Variants in EPC1 observed in about 807,000 individuals in gnomAD.
EPC1 encodes enhancer of polycomb homolog 1.
Under a neutral mutation model 98.4 loss-of-function variants are expected in EPC1, and 12 were observed. The observed-to-expected ratio is 0.12, with a 90% CI of 0.08 to 0.20. The LOEUF (loss-of-function observed/expected upper bound fraction) is 0.20. Among genes scored for constraint, EPC1 ranks in the 10% least tolerant of loss-of-function variants. The pLI is 1.00. For synonymous variants in EPC1, 357 were observed against 363.9 expected (o/e 0.98, Z 0.21); for missense variants, 729 against 990.5 (o/e 0.74, Z 3.54).
At chr10:32,286,074 C>T (rs903534170) in intron 9 of EPC1, 1 of 152,160 alleles carries the variant, frequency 6.6e-6, no homozygotes, top group African/African-American at 2.4e-5. Context: ...TGAAAAAGCA[C>T]CTTGATACTA....
chr10:32,305,895 C>G lies in EPC1; in HGVS notation c.190G>C (p.Val64Leu), dbSNP rs772551227. ...HLQRAISAQQ[V>L]YGEKRDNMVI... ...ATATTATCCCTCTTCTCGCCATACA[C>G]CTGCTGTGCTGAAATAGCCCGCTGA... is the stretch of plus-strand genomic sequence containing the variant. The change falls in exon 2 of 14, where the codon GTG becomes CTG. Residue 64 changes from valine (V) to leucine (L), a missense_variant. By Grantham distance (32) the Val-to-Leu change is conservative. This residue lies in a region of EPC1 where 46 missense variants were observed against 119.7 expected (regional missense o/e 0.38). Coordinates refer to ENST00000319778, the MANE Select transcript of EPC1 (RefSeq NM_001272004.3). 1 of 1,609,470 alleles carries G rather than the reference C, an allele frequency of 6.2e-7. No individual in the cohort carries two copies. The highest frequency in any genetic ancestry group is 8.5e-7 in the Non-Finnish European group (1 of 1,178,458).
rs936692865 is a variant in EPC1 at position 32,288,146 on chromosome 10, G to A, written c.976-872C>T. ...CATTATGGTTTTTTGGGAAAACTAC[G>A]GTTTTCCCAAACCATAAGGCATCTC... On this transcript the variant is annotated intron_variant, in intron 6 of 13. Coordinates refer to ENST00000319778, the MANE Select transcript of EPC1 (RefSeq NM_001272004.3). Among the ~76,000 whole-genome samples, 8 of 151,748 alleles carry A rather than the reference G, an allele frequency of 5.3e-5. No individual in the cohort carries two copies. The East Asian group carries it at 1.2e-3, about 22-fold the overall frequency.
chr10:32,317,120 G>A (rs556844471), intron 1 of EPC1, among the ~76,000 whole-genome samples: 9 of 152,224 alleles, frequency 5.9e-5, no homozygotes, highest in Admixed American at 1.3e-4. Context: ...TAGCACTTGT[G>A]ACTTCCTTAT....
intron 1 of EPC1, among the ~76,000 whole-genome samples, chr10:32,325,801 C>G (rs1323001015): frequency 6.6e-6 from 1 of 150,684 alleles, no homozygotes; most frequent in Non-Finnish European, 1.5e-5. Flanking sequence ...TTTTTTAACT[C>G]TATAAAGGCA....
In EPC1 at chr10:32,305,876, T is replaced by C; in HGVS notation, c.209A>G (p.Asp70Gly). The change falls in exon 2 of 14, where the codon GAT (aspartate) becomes GGT (glycine). Residue 70 changes from aspartate (D) to glycine (G), a missense_variant. Asp to Gly is a moderately conservative substitution (Grantham distance 94). Around this residue, in one of 6 missense-constraint regions of EPC1, gnomAD observed 46 missense variants for 119.7 expected, o/e 0.38. Transcript: ENST00000319778. The stretch of plus-strand genomic sequence containing the variant: ...CTCTGGGACCGGTATAACCATATTA[T>C]CCCTCTTCTCGCCATACACCTGCTG... ...SAQQVYGEKR[D>G]NMVIPVPEAE... 1 of 1,613,062 alleles carries C rather than the reference T, an allele frequency of 6.2e-7. No individual in the cohort carries two copies. Among genetic ancestry groups the C allele is most frequent in the Non-Finnish European group, 8.5e-7 (1 of 1,179,602 alleles).
At chr10:32,288,315 T>TC (rs989643694) in intron 6 of EPC1, among the ~76,000 whole-genome samples, 1 of 114,458 alleles carries the variant, frequency 8.7e-6, no homozygotes, top group African/African-American at 2.9e-5. Flanking sequence ...CTTTTTTCTT[T>TC]TTTTTTTTTT....
intron 1 of EPC1, among the ~76,000 whole-genome samples, chr10:32,334,294 G>A (rs188435753): frequency 8.5e-5 from 13 of 152,216 alleles, no homozygotes; most frequent in Admixed American, 7.8e-4. Flanking sequence ...GAAAGGATGA[G>A]GACCAGGTAA....
chr10:32,291,411 T>C, intron 5 of EPC1, 89 bp from the exon 6 acceptor site: 1 of 1,011,900 alleles, frequency 9.9e-7, no homozygotes, highest in Non-Finnish European at 1.4e-6. Context: ...GTGAAATAAT[T>C]ACCACAATCA....
chr10:32,319,909 C>G (rs1196993847), intron 1 of EPC1, among the ~76,000 whole-genome samples: 3 of 152,110 alleles, frequency 2.0e-5, no homozygotes, highest in Non-Finnish European at 4.4e-5. Flanking sequence ...GAACTCCTGA[C>G]CTCAGGTTAT....
chr10:32,310,609 G>GT (rs756110695), intron 1 of EPC1, among the ~76,000 whole-genome samples: 12 of 152,092 alleles, frequency 7.9e-5, no homozygotes, highest in African/African-American at 1.2e-4. Flanking sequence ...CTTATTTGTA[G>GT]TTTTCTTGTA....
intron 1 of EPC1, among the ~76,000 whole-genome samples, chr10:32,365,539 G>A (rs915522476): frequency 2.0e-5 from 3 of 152,084 alleles, no homozygotes; most frequent in African/African-American, 7.2e-5. Flanking sequence ...TTAGGCCGGG[G>A]ACGTGGTTCA....
upstream of EPC1, among the ~76,000 whole-genome samples, chr10:32,348,272 T>C (rs1428916364): frequency 6.6e-6 from 1 of 151,354 alleles, no homozygotes; most frequent in African/African-American, 2.5e-5. Flanking sequence ...TTCGTTGTTG[T>C]TGTTGTTAAT....
At chr10:32,335,769 G>T (rs1837921253) in intron 1 of EPC1, among the ~76,000 whole-genome samples, 1 of 152,122 alleles carries the variant, frequency 6.6e-6, no homozygotes, top group South Asian at 2.1e-4. Flanking sequence ...CGCCCACGCT[G>T]ATCTTTTCCT....
chr10:32,312,144 G>A (rs73245700), intron 1 of EPC1, among the ~76,000 whole-genome samples: 4,979 of 152,226 alleles, frequency 0.033, 269 homozygotes, highest in African/African-American at 0.11. Flanking sequence ...GAGTGAGGTG[G>A]TGAGTGACAA....
At chr10:32,296,134 T>C (rs1250548547) in intron 2 of EPC1, among the ~76,000 whole-genome samples, 2 of 152,030 alleles carry the variant, frequency 1.3e-5, no homozygotes, top group Non-Finnish European at 2.9e-5. Flanking sequence ...GGTTTCACCA[T>C]CTTGGCCAGG....
Position 32,269,066 on chromosome 10 carries a change from C to A in EPC1, c.2439G>T (p.Thr813=). 3.1e-6 allele frequency: 5 copies of A among 1,613,320 alleles called. No homozygotes were observed. Among genetic ancestry groups the A allele is most frequent in the Non-Finnish European group, 4.2e-6 (5 of 1,179,430 alleles). Residue 813 remains threonine, a synonymous_variant, in exon 14 of 14, where the codon ACG becomes ACT. Transcript: ENST00000319778. ...CTGCAGTTCCACTCGGAGGAAGCTACGTCACCTCCATCGCTACTGTGTTGT... is the reference window on the plus strand; with the variant it reads ...CTGCAGTTCCACTCGGAGGAAGCTAAGTCACCTCCATCGCTACTGTGTTGT... ...IADNTVAMEV[T]
chr10:32,345,779 G>A (rs541961372), intron 1 of EPC1, among the ~76,000 whole-genome samples: 147 of 152,302 alleles, frequency 9.7e-4, no homozygotes, highest in African/African-American at 3.4e-3. Context: ...AGATTTCTGT[G>A]AATCAAGTCA....
intron 1 of EPC1, among the ~76,000 whole-genome samples, chr10:32,352,282 C>T (rs3123644): frequency 1.3e-5 from 2 of 150,512 alleles, no homozygotes; most frequent in African/African-American, 2.5e-5. Flanking sequence ...CTCCTGACCT[C>T]GTGATCCACC....
At position 32,297,792 on chromosome 10, in the gene EPC1, G is replaced by GATTATT. The variant is rs113992440; in HGVS notation, c.314-4061_314-4056dup. Among the ~76,000 whole-genome samples the GATTATT allele has an allele frequency of 1.1e-3, 168 of 151,122 alleles. No homozygotes were observed. The South Asian group carries it at 0.016, about 14-fold the overall frequency. On this transcript the variant is annotated intron_variant, in intron 2 of 13. Transcript: ENST00000319778. ...TACAACAGGACTTATACATTGAATA[G>GATTATT]ATTATTATTATTATTATTATTTTGA... is the stretch of plus-strand genomic sequence containing the variant.
Sources: gnomAD v4.1 joint callset for allele counts (sites outside exome capture counted in the v4.1 genomes callset) on GRCh38, gnomAD v4.1.1 for gene constraint, gnomAD v4.1.1 regional missense constraint, MANE v1.5 for transcripts, NCBI Gene and HGNC (gene_info 2026-07-23, HGNC 2026-07-21) for gene names.